ZNF69: variants seen among roughly 807,000 people sequenced by gnomAD.
ZNF69 encodes the protein ZNF3.
A neutral mutation model predicts 50.9 loss-of-function variants in ZNF69; 47 were observed. The observed-to-expected ratio is 0.92, with a 90% CI of 0.73 to 1.18. The LOEUF is 1.18. Among genes scored for constraint, ZNF69 ranks in the 50% most tolerant of loss-of-function variants. ZNF69 has a pLI of 0.00. For synonymous variants in ZNF69, 216 were observed against 223.1 expected (o/e 0.97, Z 0.29); for missense variants, 717 against 675.1 (o/e 1.06, Z -0.69).
chr19:11,979,402 T>C, the ZNF69 span: 4 of 1,609,280 alleles, frequency 2.5e-6, no homozygotes, highest in East Asian at 9.0e-5. Context: ...CCTCACACCT[T>C]CAAATTCATG....
chr19:11,925,140 T>TA, the ZNF69 span: 15 of 1,581,872 alleles, frequency 9.5e-6, no homozygotes, highest in Admixed American at 1.4e-4. Flanking sequence ...CGGCGGTTGG[T>TA]AACCGGTCAG....
the ZNF69 span, among the ~76,000 whole-genome samples, chr19:11,969,834 C>G: frequency 6.6e-6 from 1 of 152,194 alleles, no homozygotes; most frequent in Non-Finnish European, 1.5e-5. Flanking sequence ...CTTTCCTAGA[C>G]ACAGACACCT....
the ZNF69 span, among the ~76,000 whole-genome samples, chr19:11,974,539 G>A: frequency 1.1e-4 from 15 of 140,594 alleles, no homozygotes; most frequent in Non-Finnish European, 1.8e-4. Flanking sequence ...TGAGCATCCC[G>A]TCATATGTTT....
In ZNF69 at chr19:11,905,962, G is replaced by C; in HGVS notation, c.1565G>C (p.Arg522Pro). 1 of 1,612,934 alleles carries C rather than the reference G, an allele frequency of 6.2e-7. No homozygotes were observed. The highest frequency in any genetic ancestry group is 1.7e-5 in the Admixed American group (1 of 59,880). ...GCCTTCAGTAGTTCCAGTTCCTTTCGATACCATGAAAGGACTCACACTGGA... is the reference window on the plus strand; with the variant it reads ...GCCTTCAGTAGTTCCAGTTCCTTTCCATACCATGAAAGGACTCACACTGGA... ...GEAFSSSSSF[R>P]YHERTHTGEK... Residue 522 changes from arginine (R) to proline (P), a missense_variant, in exon 4 of 4, where the codon CGA (arginine) becomes CCA (proline). By Grantham distance (103) the Arg-to-Pro change is moderately radical. Coordinates refer to ENST00000429654, the MANE Select transcript of ZNF69 (RefSeq NM_001364730.1).
the ZNF69 span, chr19:11,980,193 A>G: frequency 0.021 from 10,344 of 502,372 alleles, 136 homozygotes; most frequent in African/African-American, 0.027. Flanking sequence ...TGGCCTGATC[A>G]ATATGATGAA....
At chr19:11,892,135 A>ATTTTTTTTTTTT (rs4071659) in intron 1 of ZNF69, among the ~76,000 whole-genome samples, 3 of 113,936 alleles carry the variant, frequency 2.6e-5, no homozygotes, top group Non-Finnish European at 3.5e-5. Context: ...CTCCTGGCTG[A>ATTTTTTTTTTTT]TTTTTTTTTT....
At chr19:11,892,362 A>G (rs1285346981) in intron 1 of ZNF69, among the ~76,000 whole-genome samples, 1 of 151,874 alleles carries the variant, frequency 6.6e-6, no homozygotes, top group African/African-American at 2.4e-5. Context: ...TTCCTTTTCA[A>G]TTTAAAAGAG....
At chr19:11,949,478 A>G in the ZNF69 span, 2 of 1,609,270 alleles carry the variant, frequency 1.2e-6, no homozygotes, top group Admixed American at 1.7e-5. Flanking sequence ...GCCTTCAGAT[A>G]TGTGAAGCAC....
chr19:11,966,867 C>G, the ZNF69 span, among the ~76,000 whole-genome samples: 2 of 152,090 alleles, frequency 1.3e-5, no homozygotes, highest in Non-Finnish European at 2.9e-5. Flanking sequence ...ATGGCCCAAA[C>G]AGGAAAAACA....
the ZNF69 span, among the ~76,000 whole-genome samples, chr19:11,940,978 T>C: frequency 6.6e-6 from 1 of 151,880 alleles, no homozygotes; most frequent in Non-Finnish European, 1.5e-5. Context: ...AACCTTGAGC[T>C]AGATACAGAG....
chr19:11,909,473 A>G (rs1972426473), downstream of ZNF69, among the ~76,000 whole-genome samples: 1 of 152,232 alleles, frequency 6.6e-6, no homozygotes, highest in South Asian at 2.1e-4. Flanking sequence ...ATCCACCACG[A>G]TCAAGTTGGC....
the ZNF69 span, among the ~76,000 whole-genome samples, chr19:11,956,812 C>T: frequency 6.6e-6 from 1 of 152,132 alleles, no homozygotes; most frequent in African/African-American, 2.4e-5. Context: ...CAAGATCACA[C>T]CATTGCACTT....
At chr19:11,972,276 C>T in the ZNF69 span, among the ~76,000 whole-genome samples, 1 of 150,956 alleles carries the variant, frequency 6.6e-6, no homozygotes, top group African/African-American at 2.4e-5. Context: ...CAGAATGAGC[C>T]TGAGACCCTG....
chr19:11,917,518 T>G (rs190917131), downstream of ZNF69, among the ~76,000 whole-genome samples: 2,147 of 152,258 alleles, frequency 0.014, 44 homozygotes, highest in African/African-American at 0.049. Context: ...GGAGTGTGGG[T>G]TTCCTTGTGA....
chr19:11,916,907 A>T (rs1972527401), downstream of ZNF69, among the ~76,000 whole-genome samples: 1 of 152,054 alleles, frequency 6.6e-6, no homozygotes, highest in Admixed American at 6.5e-5. Context: ...ACCCACCCCC[A>T]TCTCCTTTCC....
the ZNF69 span, chr19:11,925,248 C>T: frequency 6.2e-7 from 1 of 1,612,972 alleles, no homozygotes; most frequent in African/African-American, 1.3e-5. Flanking sequence ...AGAGAGGACC[C>T]CGGTACATCT....
Position 11,889,929 on chromosome 19 carries a change from C to G in ZNF69, c.63+1943C>G, listed in dbSNP as rs1037090257. Among the ~76,000 whole-genome samples the G allele has an allele frequency of 7.2e-5, 11 of 152,232 alleles. No individual in the cohort carries two copies. In the Middle Eastern group the frequency reaches 0.01, roughly 141 times the overall value. ...AATAAGTTCAAGGAAAGATACTGTGCCTGGATGTGCAGGTAGGCCAGATTT... is the reference window on the plus strand; with the variant it reads ...AATAAGTTCAAGGAAAGATACTGTGGCTGGATGTGCAGGTAGGCCAGATTT... On this transcript the variant is annotated intron_variant, in intron 1 of 3. Coordinates refer to ENST00000429654, the MANE Select transcript of ZNF69 (RefSeq NM_001364730.1).
At chr19:11,938,377 C>G in the ZNF69 span, among the ~76,000 whole-genome samples, 8 of 152,206 alleles carry the variant, frequency 5.3e-5, no homozygotes, top group African/African-American at 1.9e-4. Flanking sequence ...TATGCTATCC[C>G]TCTCCCTTCC....
At chr19:11,916,551 G>T (rs1301121620), downstream of ZNF69, among the ~76,000 whole-genome samples, 1 of 152,222 alleles carries the variant, frequency 6.6e-6, no homozygotes, top group Admixed American at 6.6e-5. Context: ...GGAGGCGGAG[G>T]TTGCAGTGAG....
Sources: gnomAD v4.1 joint callset for allele counts (sites outside exome capture counted in the v4.1 genomes callset) on GRCh38, gnomAD v4.1.1 for gene constraint, MANE v1.5 for transcripts, NCBI Gene and HGNC (gene_info 2026-07-23, HGNC 2026-07-21) for gene names.